The following OR3A2 variants were observed in gnomAD, a reference collection of about 807,000 sequenced individuals.
The protein encoded by OR3A2 is olfactory receptor 3A2.
For missense variants in OR3A2, 318 were observed against 392.8 expected (o/e 0.81, Z 1.61); for synonymous variants, 126 against 159.3 (o/e 0.79, Z 1.57).
intron 3 of OR3A2, among the ~76,000 whole-genome samples, chr17:3,333,745 T>C (rs577919017): frequency 1.7e-4 from 26 of 151,866 alleles, no homozygotes; most frequent in Non-Finnish European, 2.9e-4. Flanking sequence ...AAAGAAAAAA[T>C]TGACAAAAGG....
In OR3A2 at chr17:3,311,546, T is replaced by A; in HGVS notation, c.-85+24487A>T. ...CACTTCTACTGTGACCTCCCACCTC[T>A]TTTCCAGCTCTCTTGCTCCAGCATC... On this transcript the variant is annotated intron_variant, in intron 3 of 4. Coordinates refer to the OR3A2 transcript ENST00000573491. The surrounding 1 kb of genome is among the most constrained non-coding windows in gnomAD (Gnocchi z 4.6). The A allele has an allele frequency of 4.7e-6, 2 of 426,050 alleles. No homozygotes were observed. Among genetic ancestry groups the A allele is most frequent in the Non-Finnish European group, 9.5e-6 (2 of 210,742 alleles). 26.4% of individuals were successfully genotyped at this position (426,050 alleles called of 1,614,324 possible).
At chr17:3,315,775 G>GC (rs2049078251) in intron 3 of OR3A2, among the ~76,000 whole-genome samples, 1 of 30,190 alleles carries the variant, frequency 3.3e-5, no homozygotes, top group Non-Finnish European at 5.5e-5. Context: ...GTAGTAAGAT[G>GC]AGTAGTAAGA....
intron 3 of OR3A2, among the ~76,000 whole-genome samples, chr17:3,304,979 C>A (rs530637721): frequency 9.6e-4 from 146 of 152,194 alleles, no homozygotes; most frequent in Non-Finnish European, 1.8e-3. Flanking sequence ...AAAATCAGAA[C>A]AATAATTGTT....
chr17:3,331,743 T>C (rs574646141), intron 3 of OR3A2, among the ~76,000 whole-genome samples: 36 of 152,190 alleles, frequency 2.4e-4, no homozygotes, highest in African/African-American at 8.4e-4. Flanking sequence ...TCCAGCTTTG[T>C]TCCATTGCTG....
At chr17:3,305,924 G>C (rs1487254603) in intron 3 of OR3A2, among the ~76,000 whole-genome samples, 1 of 152,160 alleles carries the variant, frequency 6.6e-6, no homozygotes, top group Non-Finnish European at 1.5e-5. Flanking sequence ...GTCTGTATTT[G>C]GTCACCTCTT....
chr17:3,323,476 G>A (rs142319224), intron 3 of OR3A2, among the ~76,000 whole-genome samples: 3,046 of 152,022 alleles, frequency 0.02, 127 homozygotes, highest in African/African-American at 0.068. Flanking sequence ...AATTTGGCAC[G>A]TTTTTGCAGT....
intron 3 of OR3A2, among the ~76,000 whole-genome samples, chr17:3,307,293 G>A (rs1271807336): frequency 6.6e-6 from 1 of 152,206 alleles, no homozygotes; most frequent in Admixed American, 6.5e-5. Flanking sequence ...GGTATGTCAG[G>A]AGAAAGCAGA....
chr17:3,278,179 GGGA>G (rs1567539106), exon 2 of OR3A2: 1 of 1,614,226 alleles, frequency 6.2e-7, no homozygotes, highest in East Asian at 2.2e-5. Context: ...ACGGTGAGGT[GGGA>G]GCCACACGTG....
intron 2 of OR3A2, among the ~76,000 whole-genome samples, chr17:3,368,145 G>C (rs1021969707): frequency 6.6e-6 from 1 of 152,118 alleles, no homozygotes; most frequent in African/African-American, 2.4e-5. Flanking sequence ...TGCTTTATCA[G>C]ATGCATAGTT....
chr17:3,364,310 T>A (rs1051274619), intron 2 of OR3A2, among the ~76,000 whole-genome samples: 1 of 152,238 alleles, frequency 6.6e-6, no homozygotes, highest in African/African-American at 2.4e-5. Flanking sequence ...TCAGGCTAGT[T>A]AGCATATCTC....
At chr17:3,361,363 G>A (rs930350966) in intron 2 of OR3A2, among the ~76,000 whole-genome samples, 1 of 151,640 alleles carries the variant, frequency 6.6e-6, no homozygotes, top group African/African-American at 2.4e-5. Flanking sequence ...TCTGCAAACA[G>A]GGACAATTTG....
intron 2 of OR3A2, among the ~76,000 whole-genome samples, chr17:3,340,882 A>G (rs2049311447): frequency 6.6e-6 from 1 of 152,190 alleles, no homozygotes; most frequent in Non-Finnish European, 1.5e-5. Context: ...GTCTCCCATT[A>G]TTAAAGTGTG....
At position 3,291,632 on chromosome 17, in the gene OR3A2, T is replaced by C. The variant is rs749946441; in HGVS notation, c.-84-12479A>G. 2.5e-6 allele frequency: 4 copies of C among 1,582,922 alleles called. No homozygotes were observed. In the South Asian group the frequency reaches 3.4e-5, roughly 14 times the overall value. ...CAGGGAGAAAGGGTCAATTGAGACC[T>C]CCTCAAGCCAGTGACCGCCTCCCTG... is the stretch of plus-strand genomic sequence containing the variant. On this transcript the variant is annotated intron_variant, in intron 3 of 4. Coordinates refer to the OR3A2 transcript ENST00000573491.
rs2049595587 is a variant in OR3A2 at position 3,369,705 on chromosome 17, G to A, written c.-179+14099C>T. Among the ~76,000 whole-genome samples the A allele has an allele frequency of 2.0e-5, 3 of 151,388 alleles. No homozygotes were observed. The South Asian group carries it at 6.3e-4, about 32-fold the overall frequency. ...GTCTGTAATTTTCTTTTTTTGTTAT[G>A]TCCTTTCCTGATTTTAGTATTAGGG... On this transcript the variant is annotated intron_variant, in intron 2 of 4. Coordinates refer to the OR3A2 transcript ENST00000573491.
intron 3 of OR3A2, among the ~76,000 whole-genome samples, chr17:3,290,738 G>T (rs542056429): frequency 6.6e-6 from 1 of 152,138 alleles, no homozygotes; most frequent in South Asian, 2.1e-4. Context: ...CTACTGAGAA[G>T]GGACATTCAG....
exon 2 of OR3A2, chr17:3,278,223 C>G: frequency 6.2e-7 from 1 of 1,614,174 alleles, no homozygotes; most frequent in South Asian, 1.1e-5. Flanking sequence ...CTCCACTGAA[C>G]GGATTCGTAG....
chr17:3,377,889 T>C (rs755296929), intron 2 of OR3A2, among the ~76,000 whole-genome samples: 55 of 152,366 alleles, frequency 3.6e-4, no homozygotes, highest in Middle Eastern at 6.8e-3. Context: ...TTTATCAGTT[T>C]CTAAGAAAGT....
chr17:3,364,130 A>G (rs377737882), intron 2 of OR3A2, among the ~76,000 whole-genome samples: 8 of 152,354 alleles, frequency 5.3e-5, no homozygotes, highest in African/African-American at 1.9e-4. Context: ...ACAAAGTGTT[A>G]GAATCAGTAA....
At chr17:3,322,917 T>C (rs2049137288) in intron 3 of OR3A2, among the ~76,000 whole-genome samples, 1 of 152,190 alleles carries the variant, frequency 6.6e-6, no homozygotes, top group African/African-American at 2.4e-5. Context: ...GTTCAATTCC[T>C]GGACATCCTT....
Sources: gnomAD v4.1 joint callset for allele counts (sites outside exome capture counted in the v4.1 genomes callset) on GRCh38, gnomAD v4.1.1 for gene constraint, Gnocchi (gnomAD v3.1) non-coding constraint, MANE v1.5 for transcripts, NCBI Gene and HGNC (gene_info 2026-07-23, HGNC 2026-07-21) for gene names.